Variants in GOSR1 observed in about 807,000 individuals in gnomAD.
GOSR1 encodes 28 kDa Golgi SNARE protein.
GOSR1 carries 21 observed loss-of-function variants against 35.5 expected under a neutral mutation model. That is an observed-to-expected ratio of 0.59 (90% CI 0.42 to 0.85). GOSR1 has a LOEUF of 0.85. Ranked by LOEUF, GOSR1 falls within the 40% of genes least tolerant of loss-of-function variation. GOSR1 has a pLI of 0.00. For synonymous variants in GOSR1, 94 were observed against 106.6 expected (o/e 0.88, Z 0.73); for missense variants, 285 against 309.6 (o/e 0.92, Z 0.60).
intron 3 of GOSR1, among the ~76,000 whole-genome samples, 180 bp downstream of exon 3, chr17:30,484,481 G>A (rs1914549644): frequency 6.6e-6 from 1 of 152,024 alleles, no homozygotes; most frequent in Non-Finnish European, 1.5e-5. Context: ...TGTTATTTTG[G>A]TCTTTATGGA....
Position 30,510,528 on chromosome 17 carries a change from A to G in GOSR1, c.510-352A>G, listed in dbSNP as rs576160426. On this transcript the variant is annotated intron_variant, in intron 6 of 8. Transcript: ENST00000451249. ...CAGGAGTTCAAGACCACCCTGGCCA[A>G]CATGGCGAAACCTCATCTCTAGTGA... is the stretch of plus-strand genomic sequence containing the variant. 1.3e-3 allele frequency: 205 copies of G among 161,014 alleles called. 1 individual carries two copies. Among genetic ancestry groups the G allele is most frequent in the African/African-American group, 4.7e-3 (196 of 41,732 alleles). 10.0% of individuals were successfully genotyped at this position (161,014 alleles called of 1,614,324 possible).
intron 5 of GOSR1, among the ~76,000 whole-genome samples, chr17:30,492,006 T>C (rs1000064144): frequency 2.6e-5 from 4 of 152,088 alleles, no homozygotes; most frequent in Middle Eastern, 3.2e-3. Flanking sequence ...TTTAACAGCA[T>C]GTTGGCTGCA....
At position 30,523,532 on chromosome 17, in the gene GOSR1, T is replaced by TCAGCCCCCCGCCCGGC. The variant is rs1387647797; in HGVS notation, c.*1160_*1175dup. 7.3e-6 allele frequency: 1 copy of TCAGCCCCCCGCCCGGC among 136,866 alleles called. No homozygotes were observed. The highest frequency in any genetic ancestry group is 3.0e-5 in the African/African-American group (1 of 33,222). The allele number at this position is 136,866 out of a possible 1,614,324, so 8.5% of individuals were successfully genotyped here. ...CCCGTCCGGGAGGGAGGTGGGGGGGTCAGCCCCCCGCCCGGCCAGCCGCCC... is the reference window on the plus strand; with the variant it reads ...CCCGTCCGGGAGGGAGGTGGGGGGGTCAGCCCCCCGCCCGGCCAGCCCCCCGCCCGGCCAGCCGCCC... On this transcript the variant is annotated 3_prime_UTR_variant, in exon 9 of 9. Coordinates refer to ENST00000451249, the MANE Select transcript of GOSR1 (RefSeq NM_001007025.2).
intron 6 of GOSR1, among the ~76,000 whole-genome samples, chr17:30,498,389 G>C (rs1465089715): frequency 6.6e-6 from 1 of 152,280 alleles, no homozygotes; most frequent in East Asian, 1.9e-4. Flanking sequence ...GGGGTGGGGA[G>C]CAGAAAAGAA....
chr17:30,522,339 G>C lies in GOSR1; in HGVS notation c.708G>C (p.Gly236=). The C allele has an allele frequency of 6.2e-7, 1 of 1,608,568 alleles. No homozygotes were observed. Among genetic ancestry groups the C allele is most frequent in the Admixed American group, 1.7e-5 (1 of 59,584 alleles). The stretch of plus-strand genomic sequence containing the variant: ...CGCTCATCCTAGGGGGTGTTATTGG[G>C]ATCTGTACCATCCTGTTGCTGCTGT... The part of the protein sequence containing the change: ...RDSLILGGVI[G]ICTILLLLYA... Residue 236 remains glycine (G), a synonymous_variant, in exon 9 of 9, where the codon GGG becomes GGC. Coordinates refer to ENST00000451249, the MANE Select transcript of GOSR1 (RefSeq NM_001007025.2).
intron 6 of GOSR1, among the ~76,000 whole-genome samples, chr17:30,505,036 T>C (rs1240867226): frequency 6.6e-6 from 1 of 152,230 alleles, no homozygotes; most frequent in East Asian, 1.9e-4. Context: ...ATTGAGTTTA[T>C]TTAGTTAGAA....
At chr17:30,500,551 A>G (rs912713226) in intron 6 of GOSR1, among the ~76,000 whole-genome samples, 2 of 152,168 alleles carry the variant, frequency 1.3e-5, no homozygotes, top group Non-Finnish European at 2.9e-5. Context: ...GACACTTGCT[A>G]GTTTATTTCT....
intron 7 of GOSR1, among the ~76,000 whole-genome samples, chr17:30,512,711 A>G (rs1368820235): frequency 1.3e-5 from 2 of 152,222 alleles, no homozygotes; most frequent in East Asian, 3.8e-4. Flanking sequence ...TCATCAGCAC[A>G]TGAGATCTGA....
chr17:30,510,029 G>A (rs1469897391), intron 6 of GOSR1, among the ~76,000 whole-genome samples: 2 of 152,008 alleles, frequency 1.3e-5, no homozygotes, highest in African/African-American at 4.8e-5. Flanking sequence ...GTATCTCTGT[G>A]GAAAAAATAG....
intron 4 of GOSR1, among the ~76,000 whole-genome samples, chr17:30,488,130 G>C (rs1009621998): frequency 8.2e-6 from 1 of 122,174 alleles, no homozygotes. Context: ...TTTAAGCTCT[G>C]TTGAACTTAA....
Position 30,522,497 on chromosome 17 carries a change from A to C in GOSR1, c.*119A>C. On this transcript the variant is annotated 3_prime_UTR_variant, in exon 9 of 9. Coordinates refer to ENST00000451249, the MANE Select transcript of GOSR1 (RefSeq NM_001007025.2). Reference sequence around the variant, plus strand: ...TTAGCCTGACCAGCAGGATGAATGCAAGACTGACAGTGATGGACTCTGTGA... The same window carrying C: ...TTAGCCTGACCAGCAGGATGAATGCCAGACTGACAGTGATGGACTCTGTGA... 1.4e-6 allele frequency: 1 copy of C among 723,654 alleles called. No individual in the cohort carries two copies. Among genetic ancestry groups the C allele is most frequent in the Non-Finnish European group, 2.2e-6 (1 of 463,256 alleles). The allele number at this position is 723,654 out of a possible 1,614,324, so 44.8% of individuals were successfully genotyped here. A position where few individuals can be genotyped will look rare whatever the true frequency, so the allele number is the denominator to read the frequency against.
intron 4 of GOSR1, among the ~76,000 whole-genome samples, chr17:30,487,660 A>T (rs958964681): frequency 6.6e-6 from 1 of 152,248 alleles, no homozygotes; most frequent in African/African-American, 2.4e-5. Flanking sequence ...AAAATTTAAA[A>T]AGGGTACTCA....
intron 4 of GOSR1, among the ~76,000 whole-genome samples, chr17:30,488,215 A>G (rs1789853775): frequency 7.5e-6 from 1 of 134,008 alleles, no homozygotes; most frequent in Admixed American, 8.3e-5. Flanking sequence ...CCCAGGCTGG[A>G]GTGCAGTGGC....
intron 4 of GOSR1, among the ~76,000 whole-genome samples, chr17:30,489,041 A>G (rs1338237202): frequency 6.6e-6 from 1 of 152,222 alleles, no homozygotes; most frequent in Non-Finnish European, 1.5e-5. Context: ...GTATATTATG[A>G]CTTACTTGGC....
In GOSR1 at chr17:30,522,397, T is replaced by G. The variant is rs1968071579; in HGVS notation, c.*19T>G. On this transcript the variant is annotated 3_prime_UTR_variant, in exon 9 of 9. Transcript: ENST00000451249. ...CCATTGATGGGACATCTTCAGGGAC[T>G]CTTGACAGCCACCGCTTTCACACCC... is the stretch of plus-strand genomic sequence containing the variant. 1 of 1,538,914 alleles carries G rather than the reference T, an allele frequency of 6.5e-7. No homozygotes were observed. The highest frequency in any genetic ancestry group is 8.8e-7 in the Non-Finnish European group (1 of 1,139,172).
chr17:30,500,747 T>G (rs1444846251), intron 6 of GOSR1, among the ~76,000 whole-genome samples: 1 of 152,216 alleles, frequency 6.6e-6, no homozygotes, highest in Admixed American at 6.5e-5. Context: ...AATATCACAT[T>G]GTTTAAAAGC....
chr17:30,487,803 T>C (rs1235735627), intron 4 of GOSR1, among the ~76,000 whole-genome samples: 1 of 152,206 alleles, frequency 6.6e-6, no homozygotes, highest in African/African-American at 2.4e-5. Context: ...AGTCTCGCTC[T>C]GTTGTCCAGG....
intron 4 of GOSR1, chr17:30,485,270 A>ATTTT: frequency 6.1e-6 from 1 of 162,834 alleles, no homozygotes; most frequent in Non-Finnish European, 1.3e-5. Context: ...TAGGAAGGCA[A>ATTTT]TTTTTTTTTT....
At chr17:30,499,515 G>GT (rs1425707698) in intron 6 of GOSR1, among the ~76,000 whole-genome samples, 7 of 152,024 alleles carry the variant, frequency 4.6e-5, no homozygotes, top group African/African-American at 1.7e-4. Flanking sequence ...CTAATTTTTT[G>GT]TATTTTTAGT....
Sources: gnomAD v4.1 joint callset for allele counts (sites outside exome capture counted in the v4.1 genomes callset) on GRCh38, gnomAD v4.1.1 for gene constraint, MANE v1.5 for transcripts, NCBI Gene and HGNC (gene_info 2026-07-23, HGNC 2026-07-21) for gene names.